TRAPPC9: variants seen among roughly 807,000 people sequenced by gnomAD.
The protein encoded by TRAPPC9 is trafficking protein particle complex subunit 9.
A neutral mutation model predicts 124.0 loss-of-function variants in TRAPPC9; 83 were observed. The observed-to-expected ratio is 0.67, with a 90% confidence interval of 0.56 to 0.80. The LOEUF (loss-of-function observed/expected upper bound fraction) is 0.80. Ranked by LOEUF, TRAPPC9 falls within the 30% of genes least tolerant of loss-of-function variation. The pLI, the probability that TRAPPC9 is intolerant of heterozygous loss-of-function variation, is 0.00. For missense variants in TRAPPC9, 1,302 were observed against 1,508.3 expected (o/e 0.86, Z 2.27); for synonymous variants, 638 against 617.5 (o/e 1.03, Z -0.49).
At chr8:139,905,920 C>CT (rs1831329541) in intron 20 of TRAPPC9, among the ~76,000 whole-genome samples, 1 of 151,952 alleles carries the variant, frequency 6.6e-6, no homozygotes, top group Admixed American at 6.6e-5. Context: ...TGGTGAAACT[C>CT]TGTCTCTACT....
intron 4 of TRAPPC9, 97 bp from the exon 5 acceptor site, chr8:140,426,738 G>T: frequency 8.2e-7 from 1 of 1,216,972 alleles, no homozygotes; most frequent in Non-Finnish European, 1.2e-6. Context: ...ATAGCCTAGA[G>T]AAAAATCTGA....
intron 9 of TRAPPC9, among the ~76,000 whole-genome samples, chr8:140,336,895 A>C (rs1323908659): frequency 8.1e-6 from 1 of 124,136 alleles, no homozygotes; most frequent in East Asian, 2.4e-4. Context: ...CTTCCAGGCG[A>C]TTAACAGGAT....
chr8:139,810,444 C>A (rs73726661), intron 21 of TRAPPC9, among the ~76,000 whole-genome samples: 2 of 152,142 alleles, frequency 1.3e-5, no homozygotes, highest in Non-Finnish European at 2.9e-5. Context: ...TGGCTGACAT[C>A]GTGTTGGGAC....
At chr8:140,055,127 G>T (rs575525709) in intron 17 of TRAPPC9, among the ~76,000 whole-genome samples, 1 of 152,180 alleles carries the variant, frequency 6.6e-6, no homozygotes, top group East Asian at 1.9e-4. Context: ...TAACATGGAC[G>T]CAAAAATCAC....
In TRAPPC9 at chr8:140,117,807, G is replaced by T. The variant is rs565932465; in HGVS notation, c.2557-93728C>A. ...ACTGAGCAGCAAAAGTAAGCTTGAT[G>T]TTTTTTTCTCTTAAAGAGAATTTGG... On this transcript the variant is annotated intron_variant, in intron 17 of 22. Coordinates refer to ENST00000438773, the MANE Select transcript of TRAPPC9 (RefSeq NM_001160372.4). Among the ~76,000 whole-genome samples the T allele has an allele frequency of 8.7e-4, 132 of 152,240 alleles. 1 individual carries two copies. Among genetic ancestry groups the T allele is most frequent in the Non-Finnish European group, 1.6e-3 (110 of 67,998 alleles).
At chr8:140,403,311 T>A (rs978136439) in intron 6 of TRAPPC9, among the ~76,000 whole-genome samples, 2 of 151,858 alleles carry the variant, frequency 1.3e-5, no homozygotes, top group South Asian at 2.1e-4. Flanking sequence ...GCACCTGTAG[T>A]CCCGCTACTC....
chr8:140,354,940 G>C (rs556637508), intron 9 of TRAPPC9, among the ~76,000 whole-genome samples: 9 of 152,314 alleles, frequency 5.9e-5, no homozygotes, highest in Admixed American at 2.0e-4. Context: ...CCTTTTCTCA[G>C]ACGACTCCAA....
At chr8:140,304,930 C>A (rs1458421560) in intron 10 of TRAPPC9, among the ~76,000 whole-genome samples, 2 of 71,672 alleles carry the variant, frequency 2.8e-5, no homozygotes. Flanking sequence ...GGTCCCATGC[C>A]CTCAGTGTGC....
intron 17 of TRAPPC9, among the ~76,000 whole-genome samples, chr8:140,217,377 G>C (rs1006775238): frequency 3.9e-5 from 6 of 152,186 alleles, no homozygotes; most frequent in African/African-American, 1.2e-4. Context: ...AGGGTTGAAA[G>C]TAAACTCTGT....
chr8:139,816,896 C>G (rs567382964), intron 21 of TRAPPC9, among the ~76,000 whole-genome samples: 1 of 152,178 alleles, frequency 6.6e-6, no homozygotes, highest in South Asian at 2.1e-4. Flanking sequence ...ACAGTCTCAG[C>G]TTCATTTCTG....
rs2065944317 is a variant in TRAPPC9 at position 140,300,494 on chromosome 8, A to T, written c.1743T>A (p.Arg581=). 1 of 1,614,174 alleles carries T rather than the reference A, an allele frequency of 6.2e-7. No homozygotes were observed. The highest frequency in any genetic ancestry group is 2.2e-5 in the East Asian group (1 of 44,878). ...FIYSPIIAHN[R]GEERNKKIDF... The stretch of plus-strand genomic sequence containing the variant: ...CTATTTTCTTGTTCCGCTCTTCTCC[A>T]CGGTTGTGTGCGATAATTGGTGAAT... Residue 581 remains arginine, a synonymous_variant, in exon 11 of 23, where the codon CGT becomes CGA. Coordinates refer to ENST00000438773, the MANE Select transcript of TRAPPC9 (RefSeq NM_001160372.4).
At chr8:139,919,923 G>T (rs1017971152) in intron 19 of TRAPPC9, among the ~76,000 whole-genome samples, 1 of 152,186 alleles carries the variant, frequency 6.6e-6, no homozygotes, top group Non-Finnish European at 1.5e-5. Flanking sequence ...GGACCCTTCC[G>T]CCTAGTGCTG....
At chr8:140,042,215 G>A (rs941970363) in intron 17 of TRAPPC9, among the ~76,000 whole-genome samples, 5 of 150,368 alleles carry the variant, frequency 3.3e-5, no homozygotes, top group African/African-American at 1.2e-4. Flanking sequence ...ATGTGTGTGT[G>A]TGTGTGTGTG....
intron 9 of TRAPPC9, among the ~76,000 whole-genome samples, chr8:140,334,653 ATAAAT>A (rs2066988354): frequency 4.5e-5 from 4 of 89,458 alleles, no homozygotes. Context: ...CTGTCACTAA[ATAAAT>A]AAATAAATAA....
At chr8:139,808,661 A>G (rs557507908) in intron 21 of TRAPPC9, among the ~76,000 whole-genome samples, 18 of 152,036 alleles carry the variant, frequency 1.2e-4, no homozygotes, top group South Asian at 4.2e-4. Context: ...TCTACTTTCT[A>G]TCTCTACAGA....
intron 17 of TRAPPC9, among the ~76,000 whole-genome samples, chr8:140,069,863 C>T (rs1051958729): frequency 3.9e-5 from 6 of 152,210 alleles, no homozygotes; most frequent in African/African-American, 1.4e-4. Flanking sequence ...CGAGAACCCT[C>T]GAGGCTGCTG....
chr8:139,989,490 A>G (rs2614713), intron 18 of TRAPPC9, among the ~76,000 whole-genome samples: 152,356 of 152,358 alleles, frequency 1, 76,177 homozygotes, highest in Non-Finnish European at 1. Flanking sequence ...GGTCCATGTG[A>G]TGAAGTTCTA....
At chr8:139,970,254 C>T (rs906600975) in intron 19 of TRAPPC9, among the ~76,000 whole-genome samples, 35 of 152,332 alleles carry the variant, frequency 2.3e-4, no homozygotes, top group African/African-American at 6.7e-4. Context: ...CGCTGGCGCC[C>T]GCAGCATCTC....
At chr8:139,942,765 C>T (rs1415700302) in intron 19 of TRAPPC9, among the ~76,000 whole-genome samples, 1 of 152,198 alleles carries the variant, frequency 6.6e-6, no homozygotes, top group Non-Finnish European at 1.5e-5. Context: ...TCCTTTATGA[C>T]TTCTTGTCTG....
Sources: gnomAD v4.1 joint callset for allele counts (sites outside exome capture counted in the v4.1 genomes callset) on GRCh38, gnomAD v4.1.1 for gene constraint, MANE v1.5 for transcripts, NCBI Gene and HGNC (gene_info 2026-07-23, HGNC 2026-07-21) for gene names.